ZCCHC7: variants seen among roughly 807,000 people sequenced by gnomAD.
ZCCHC7 encodes the protein zinc finger CCHC-type containing 7, also known as zinc finger CCHC domain-containing protein 7.
In ZCCHC7, 35 loss-of-function variants were observed where a neutral mutation model predicts 52.0. The observed-to-expected ratio is 0.67, with a 90% CI of 0.51 to 0.89. The LOEUF (loss-of-function observed/expected upper bound fraction) is 0.89. Among genes scored for constraint, ZCCHC7 ranks in the 40% least tolerant of loss-of-function variants. The probability of loss-of-function intolerance (pLI) is 0.00; values close to 1 mark genes in which losing one functional copy is unlikely to be tolerated. For synonymous variants in ZCCHC7, 217 were observed against 221.5 expected (o/e 0.98, Z 0.18); for missense variants, 574 against 649.1 (o/e 0.88, Z 1.26).
chr9:37,136,732 T>A (rs938015454), intron 2 of ZCCHC7, among the ~76,000 whole-genome samples: 1 of 152,186 alleles, frequency 6.6e-6, no homozygotes, highest in Non-Finnish European at 1.5e-5. Context: ...CACCTCAGCC[T>A]CCCAAAGTGC....
intron 6 of ZCCHC7, among the ~76,000 whole-genome samples, chr9:37,337,033 A>T (rs1238372950): frequency 2.0e-5 from 3 of 152,214 alleles, no homozygotes; most frequent in South Asian, 2.1e-4. Context: ...TCCTGAGAGG[A>T]TTATTTAACC....
intron 2 of ZCCHC7, among the ~76,000 whole-genome samples, chr9:37,166,322 G>A (rs1821417568): frequency 6.6e-6 from 1 of 152,080 alleles, no homozygotes; most frequent in African/African-American, 2.4e-5. Context: ...CTTGAACCTG[G>A]CAGGCAGAGG....
rs1271483488 is a variant in ZCCHC7, at chr9:37,172,176, C to T, written c.610+45234C>T. Among the ~76,000 whole-genome samples the T allele has an allele frequency of 5.9e-5, 9 of 152,228 alleles. No homozygotes were observed. In the East Asian group the frequency reaches 1.7e-3, roughly 29 times the overall value. On this transcript the variant is annotated intron_variant, in intron 2 of 8. Coordinates refer to ENST00000336755, the MANE Select transcript of ZCCHC7 (RefSeq NM_032226.3). Reference sequence around the variant, plus strand: ...ATTATTTGCAAATTACATGTTATTTCGTTTAGATTCTTTATGCACACCTTG... The same window carrying T: ...ATTATTTGCAAATTACATGTTATTTTGTTTAGATTCTTTATGCACACCTTG...
chr9:37,310,539 A>G (rs541055518), intron 5 of ZCCHC7, among the ~76,000 whole-genome samples: 48 of 152,240 alleles, frequency 3.2e-4, no homozygotes, highest in Middle Eastern at 3.4e-3. Flanking sequence ...TATTACTCCT[A>G]TTTTACAAAC....
At position 37,319,752 on chromosome 9, in the gene ZCCHC7, A is replaced by G. The variant is rs545881521; in HGVS notation, c.952-8047A>G. Reference sequence around the variant, plus strand: ...GATTTTCTCCTGTGTATTCTTTCAGATGTTTCTACTTTTATATTTAGATCT... The same window carrying G: ...GATTTTCTCCTGTGTATTCTTTCAGGTGTTTCTACTTTTATATTTAGATCT... On this transcript the variant is annotated intron_variant, in intron 5 of 8. Transcript: ENST00000336755. Among the ~76,000 whole-genome samples the G allele has an allele frequency of 8.2e-4, 125 of 152,208 alleles. 6 individuals are homozygous for G. In the South Asian group the frequency reaches 0.025, roughly 31 times the overall value.
At chr9:37,157,431 A>G (rs1195115765) in intron 2 of ZCCHC7, among the ~76,000 whole-genome samples, 4 of 152,138 alleles carry the variant, frequency 2.6e-5, no homozygotes, top group Non-Finnish European at 5.9e-5. Context: ...GGTCAAGGCT[A>G]TAGTGAGCCA....
intron 2 of ZCCHC7, among the ~76,000 whole-genome samples, chr9:37,185,218 T>C (rs1440121788): frequency 6.6e-6 from 1 of 152,156 alleles, no homozygotes; most frequent in African/African-American, 2.4e-5. Context: ...CCGCAAAAGA[T>C]CTCTTGCTAT....
intron 2 of ZCCHC7, among the ~76,000 whole-genome samples, chr9:37,130,397 A>G (rs1397703572): frequency 6.9e-5 from 9 of 130,794 alleles, no homozygotes; most frequent in African/African-American, 2.6e-4. Context: ...TAAATAGAGC[A>G]AGGCTAGTTT....
intron 2 of ZCCHC7, among the ~76,000 whole-genome samples, chr9:37,257,170 A>G (rs1208636430): frequency 6.6e-6 from 1 of 152,210 alleles, no homozygotes; most frequent in East Asian, 1.9e-4. Flanking sequence ...GCAAATCAAT[A>G]TGGCGGGTAG....
intron 2 of ZCCHC7, among the ~76,000 whole-genome samples, chr9:37,233,288 A>T (rs2133321890): frequency 6.6e-6 from 1 of 152,280 alleles, no homozygotes; most frequent in Non-Finnish European, 1.5e-5. Flanking sequence ...ACTTGTAAGG[A>T]TAGGAATTAA....
At chr9:37,141,865 C>G (rs1451828154) in intron 2 of ZCCHC7, among the ~76,000 whole-genome samples, 3 of 151,760 alleles carry the variant, frequency 2.0e-5, no homozygotes, top group Non-Finnish European at 4.4e-5. Context: ...TGCATACTTT[C>G]AAATGTGAGG....
chr9:37,223,706 T>TACAGGAATTTGTTCTAAGGAATA (rs1407954412), intron 2 of ZCCHC7, among the ~76,000 whole-genome samples: 2 of 152,138 alleles, frequency 1.3e-5, no homozygotes, highest in African/African-American at 4.8e-5. Context: ...ACGTTTCACT[T>TACAGGAATTTGTTCTAAGGAATA]ACAGGAATTT....
At chr9:37,206,490 T>TA (rs1215741331) in intron 2 of ZCCHC7, among the ~76,000 whole-genome samples, 2 of 152,098 alleles carry the variant, frequency 1.3e-5, no homozygotes, top group African/African-American at 4.8e-5. Context: ...TAGCTGGGAC[T>TA]ACAAGTATGT....
chr9:37,338,768 A>G (rs1564264843), intron 6 of ZCCHC7, among the ~76,000 whole-genome samples: 2 of 151,942 alleles, frequency 1.3e-5, no homozygotes, highest in Non-Finnish European at 2.9e-5. Context: ...TAATTACTTC[A>G]TGTAGTTGTT....
intron 2 of ZCCHC7, among the ~76,000 whole-genome samples, chr9:37,127,184 G>A (rs1168001774): frequency 6.6e-6 from 1 of 152,174 alleles, no homozygotes; most frequent in Non-Finnish European, 1.5e-5. Context: ...CAGATTCATA[G>A]CTGCTTCTTC....
intron 2 of ZCCHC7, among the ~76,000 whole-genome samples, chr9:37,298,191 A>T (rs1828871501): frequency 6.6e-6 from 1 of 152,204 alleles, no homozygotes; most frequent in Non-Finnish European, 1.5e-5. Flanking sequence ...CATAACTACT[A>T]TGCAGTAATT....
chr9:37,274,545 G>A (rs1000362632), intron 2 of ZCCHC7, among the ~76,000 whole-genome samples: 1 of 151,230 alleles, frequency 6.6e-6, no homozygotes, highest in Admixed American at 6.6e-5. Flanking sequence ...CACTATGTTG[G>A]CCAGGCTGGT....
intron 1 of ZCCHC7, among the ~76,000 whole-genome samples, chr9:37,124,435 A>C (rs1260672056): frequency 1.3e-5 from 2 of 151,822 alleles, no homozygotes; most frequent in East Asian, 3.8e-4. Context: ...TAGTTCATTT[A>C]TTCATTTATG....
Position 37,214,633 on chromosome 9 carries a change from T to G in ZCCHC7, c.611-87555T>G, listed in dbSNP as rs537093943. ...CAAAATACTTATTTTATTTTAATTC[T>G]TATTTATTAGTTGAATTATTTATTA... On this transcript the variant is annotated intron_variant, in intron 2 of 8. Coordinates refer to ENST00000336755, the MANE Select transcript of ZCCHC7 (RefSeq NM_032226.3). 3.3e-5 allele frequency among the ~76,000 whole-genome samples: 5 copies of G among 152,192 alleles called. No homozygotes were observed. In the South Asian group the frequency reaches 1.0e-3, roughly 31 times the overall value.
Sources: gnomAD v4.1 joint callset for allele counts (sites outside exome capture counted in the v4.1 genomes callset) on GRCh38, gnomAD v4.1.1 for gene constraint, MANE v1.5 for transcripts, NCBI Gene and HGNC (gene_info 2026-07-23, HGNC 2026-07-21) for gene names.